Variants in TRPM3 observed in about 807,000 individuals in gnomAD.
The protein encoded by TRPM3 is transient receptor potential cation channel subfamily M member 3, also known as long transient receptor potential channel 3.
TRPM3 carries 77 observed loss-of-function variants against 181.2 expected under a neutral mutation model. That is an observed-to-expected ratio of 0.42 (90% CI 0.35 to 0.51). TRPM3 has a LOEUF of 0.51. Among genes scored for constraint, TRPM3 ranks in the 20% least tolerant of loss-of-function variants. The pLI is 0.01. For synonymous variants in TRPM3, 745 were observed against 796.4 expected, an observed-to-expected ratio of 0.94 and a Z score of 1.09; for missense variants, 1,759 against 2,196.7, an observed-to-expected ratio of 0.80 and a Z score of 3.98.
intron 1 of TRPM3, among the ~76,000 whole-genome samples, chr9:71,328,808 G>A (rs748339988): frequency 1.3e-5 from 2 of 152,152 alleles, no homozygotes; most frequent in Non-Finnish European, 2.9e-5. Flanking sequence ...TATGTCTAAT[G>A]TACTGCATTA....
chr9:71,429,058 T>C (rs1022382259), intron 1 of TRPM3, among the ~76,000 whole-genome samples: 4 of 152,236 alleles, frequency 2.6e-5, no homozygotes, highest in Middle Eastern at 6.8e-3. Context: ...ATCTCATTTT[T>C]GTCCTGGTCA....
chr9:70,803,223 C>T (rs886697312), intron 6 of TRPM3, among the ~76,000 whole-genome samples: 5 of 151,852 alleles, frequency 3.3e-5, no homozygotes, highest in Non-Finnish European at 7.4e-5. Flanking sequence ...CAGTCAGTCC[C>T]CAGGTCTCTT....
rs369507796 is a variant in TRPM3 at position 70,619,349 on chromosome 9, A to G, written c.2130-254T>C. Reference sequence around the variant, plus strand: ...TACTCAGGCCCTCAGATTCAGTCATATGAGTGTAGGAGGTGGAGCAAGCAA... The same window carrying G: ...TACTCAGGCCCTCAGATTCAGTCATGTGAGTGTAGGAGGTGGAGCAAGCAA... On this transcript the variant is annotated intron_variant, in intron 16 of 25. Coordinates refer to ENST00000677713, the MANE Select transcript of TRPM3 (RefSeq NM_001366145.2). 1.4e-4 allele frequency among the ~76,000 whole-genome samples: 21 copies of G among 147,692 alleles called. No homozygotes were observed. In the Middle Eastern group the frequency reaches 0.01, roughly 73 times the overall value.
intron 9 of TRPM3, 96 bp downstream of exon 9, chr9:70,681,410 T>C: frequency 1.0e-6 from 1 of 999,660 alleles, no homozygotes; most frequent in South Asian, 1.4e-5. Context: ...TGTGTCATAG[T>C]ATCATTTGGG....
At chr9:71,174,319 A>T (rs2077004388) in intron 1 of TRPM3, among the ~76,000 whole-genome samples, 1 of 152,198 alleles carries the variant, frequency 6.6e-6, no homozygotes, top group Non-Finnish European at 1.5e-5. Context: ...ACGCCAGTGG[A>T]TCACCTGAGA....
At chr9:71,282,091 G>GAAAAA (rs2084771716) in intron 1 of TRPM3, among the ~76,000 whole-genome samples, 4 of 34,834 alleles carry the variant, frequency 1.1e-4, no homozygotes, top group East Asian at 7.0e-4. Flanking sequence ...GAAAGAAAGA[G>GAAAAA]AGAAAGAAAG....
At chr9:71,242,636 T>C (rs932402108) in intron 1 of TRPM3, among the ~76,000 whole-genome samples, 36 of 152,198 alleles carry the variant, frequency 2.4e-4, no homozygotes, top group African/African-American at 8.2e-4. Flanking sequence ...ATATTATTAG[T>C]ACTACTCCCA....
chr9:70,604,330 G>A (rs538962822), intron 19 of TRPM3, among the ~76,000 whole-genome samples: 2 of 152,328 alleles, frequency 1.3e-5, no homozygotes, highest in Admixed American at 1.3e-4. Flanking sequence ...GGGCTGAGGA[G>A]CCTTGAGAGA....
At chr9:70,561,129 T>C (rs890731097) in intron 22 of TRPM3, among the ~76,000 whole-genome samples, 4 of 152,208 alleles carry the variant, frequency 2.6e-5, no homozygotes, top group East Asian at 1.9e-4. Context: ...AAGAGCTTAG[T>C]TGAGTATCTG....
intron 1 of TRPM3, among the ~76,000 whole-genome samples, chr9:71,440,305 G>C (rs2094118803): frequency 6.6e-6 from 1 of 152,102 alleles, no homozygotes; most frequent in Non-Finnish European, 1.5e-5. Flanking sequence ...ATCTAGATCT[G>C]CTCAGTTCCA....
intron 11 of TRPM3, 158 bp downstream of exon 11, chr9:70,638,902 G>T: frequency 1.2e-6 from 1 of 810,340 alleles, no homozygotes; most frequent in East Asian, 2.7e-5. Context: ...TTGGTGACTT[G>T]GTGTTTGTCA....
intron 1 of TRPM3, among the ~76,000 whole-genome samples, chr9:71,138,071 G>A (rs180939152): frequency 6.6e-6 from 1 of 151,826 alleles, no homozygotes; most frequent in Admixed American, 6.6e-5. Flanking sequence ...CCGAGATCTT[G>A]CCACTGCACC....
chr9:70,606,264 T>G (rs982595800), intron 19 of TRPM3, among the ~76,000 whole-genome samples: 2 of 152,200 alleles, frequency 1.3e-5, no homozygotes, highest in Admixed American at 6.5e-5. Flanking sequence ...GCTGATATTA[T>G]TCTGTTATTC....
intron 1 of TRPM3, among the ~76,000 whole-genome samples, chr9:70,893,948 A>T (rs903470804): frequency 1.3e-5 from 2 of 152,216 alleles, no homozygotes; most frequent in African/African-American, 4.8e-5. Flanking sequence ...TCTACTGGAA[A>T]ATGCCAAAAG....
chr9:71,233,458 T>C (rs2081188293), intron 1 of TRPM3, among the ~76,000 whole-genome samples: 1 of 152,240 alleles, frequency 6.6e-6, no homozygotes, highest in South Asian at 2.1e-4. Flanking sequence ...AGGTATTGTA[T>C]GCAAACTTAA....
intron 8 of TRPM3, among the ~76,000 whole-genome samples, chr9:70,743,731 A>AT (rs1374962408): frequency 1.3e-5 from 2 of 152,062 alleles, no homozygotes; most frequent in African/African-American, 4.8e-5. Context: ...TAGGTGTGAG[A>AT]TGTACTCCTC....
At chr9:71,422,837 T>C (rs532823170) in intron 1 of TRPM3, among the ~76,000 whole-genome samples, 2 of 152,150 alleles carry the variant, frequency 1.3e-5, no homozygotes, top group South Asian at 4.1e-4. Flanking sequence ...TATAGCAACT[T>C]AGATACCTTT....
At chr9:71,343,552 A>G (rs1409442001) in intron 1 of TRPM3, among the ~76,000 whole-genome samples, 2 of 152,212 alleles carry the variant, frequency 1.3e-5, no homozygotes, top group East Asian at 3.8e-4. Context: ...GGAATGAAAG[A>G]AAGCACAGAA....
chr9:70,563,730 G>C (rs186282506), intron 22 of TRPM3, among the ~76,000 whole-genome samples: 18 of 152,336 alleles, frequency 1.2e-4, no homozygotes, highest in Admixed American at 1.2e-3. Context: ...AAGGAAATGG[G>C]AGAGAGAGCA....
Sources: allele counts gnomAD v4.1 joint callset (sites outside exome capture counted in the v4.1 genomes callset), GRCh38; gene constraint gnomAD v4.1.1; transcripts MANE v1.5; gene names NCBI Gene and HGNC (gene_info 2026-07-23, HGNC 2026-07-21).